TGFB2: variants seen among roughly 807,000 people sequenced by gnomAD.
TGFB2 encodes the protein transforming growth factor beta-2 proprotein.
TGFB2 carries 13 observed loss-of-function variants against 42.7 expected under a neutral mutation model. The observed-to-expected ratio is 0.30, with a 90% CI of 0.20 to 0.48. The LOEUF is 0.48. Ranked by LOEUF, TGFB2 falls within the 20% of genes least tolerant of loss-of-function variation. The pLI is 0.99. For synonymous variants in TGFB2, 193 were observed against 193.6 expected (o/e 1.00, Z 0.03); for missense variants, 390 against 517.5 (o/e 0.75, Z 2.39).
At chr1:218,434,276 G>A in intron 3 of TGFB2, 62 bp downstream of exon 3, 2 of 1,610,796 alleles carry the variant, frequency 1.2e-6, no homozygotes, top group East Asian at 2.2e-5. Flanking sequence ...ACTTTAAATT[G>A]ATTGCAGATT....
At chr1:218,366,343 G>C (rs1265564723) in intron 1 of TGFB2, among the ~76,000 whole-genome samples, 1 of 152,016 alleles carries the variant, frequency 6.6e-6, no homozygotes, top group African/African-American at 2.4e-5. Context: ...AGGTCTCTCT[G>C]TTGTCCAGGC....
At chr1:218,393,909 C>CTT (rs756984581) in intron 1 of TGFB2, among the ~76,000 whole-genome samples, 5 of 137,100 alleles carry the variant, frequency 3.6e-5, no homozygotes, top group Admixed American at 7.4e-5. Flanking sequence ...GCATCGGCCT[C>CTT]TTTTTTTTTT....
At chr1:218,367,988 C>A (rs564672988) in intron 1 of TGFB2, among the ~76,000 whole-genome samples, 1 of 151,828 alleles carries the variant, frequency 6.6e-6, no homozygotes, top group East Asian at 1.9e-4. Context: ...TTTTTAGTAG[C>A]GACAGGGTCT....
rs551534758 is a variant in TGFB2, at chr1:218,349,295, T to A, written c.346+2248T>A. Among the ~76,000 whole-genome samples, 5 of 152,302 alleles carry A rather than the reference T, an allele frequency of 3.3e-5. No individual in the cohort carries two copies. The East Asian group carries it at 5.8e-4, about 18-fold the overall frequency. On this transcript the variant is annotated intron_variant, in intron 1 of 6. Coordinates refer to ENST00000366930, the MANE Select transcript of TGFB2 (RefSeq NM_003238.6). Reference sequence around the variant, plus strand: ...TTTTATAGAAAATAGGTTAACTGATTTTCCAGCACTTTTTAGTTATACTGG... The same window carrying A: ...TTTTATAGAAAATAGGTTAACTGATATTCCAGCACTTTTTAGTTATACTGG...
intron 1 of TGFB2, among the ~76,000 whole-genome samples, chr1:218,385,656 C>T (rs1558238562): frequency 6.6e-6 from 1 of 152,208 alleles, no homozygotes; most frequent in African/African-American, 2.4e-5. Flanking sequence ...GTGAGGGGCT[C>T]ATGAGATGGA....
chr1:218,393,418 C>G (rs1658382527), intron 1 of TGFB2, among the ~76,000 whole-genome samples: 1 of 152,166 alleles, frequency 6.6e-6, no homozygotes, highest in Non-Finnish European at 1.5e-5. Context: ...AGGATGAGAT[C>G]CTAAATTTCC....
At chr1:218,437,600 C>T (rs867725038) in intron 6 of TGFB2, 104 bp downstream of exon 6, 2 of 1,259,130 alleles carry the variant, frequency 1.6e-6, no homozygotes, top group Non-Finnish European at 2.1e-6. Flanking sequence ...GTCTTACCAT[C>T]ACACATGTAT....
rs560349815 is a variant in TGFB2 at position 218,397,903 on chromosome 1, G to A, written c.347-7266G>A. Among the ~76,000 whole-genome samples the A allele has an allele frequency of 7.9e-5, 12 of 152,240 alleles. No individual in the cohort carries two copies. The South Asian group carries it at 1.5e-3, about 18-fold the overall frequency. The stretch of plus-strand genomic sequence containing the variant: ...AAACCTCCAGGCCACTACCAATTCC[G>A]TTCATACCCACACCTTCTGTGTTTC... On this transcript the variant is annotated intron_variant, in intron 1 of 6. Coordinates refer to ENST00000366930, the MANE Select transcript of TGFB2 (RefSeq NM_003238.6).
At chr1:218,380,173 G>T (rs1413842676) in intron 1 of TGFB2, among the ~76,000 whole-genome samples, 1 of 152,152 alleles carries the variant, frequency 6.6e-6, no homozygotes, top group African/African-American at 2.4e-5. Flanking sequence ...GCACTCACTC[G>T]CATTCATTGG....
chr1:218,431,187 A>G (rs1659795462), intron 2 of TGFB2, among the ~76,000 whole-genome samples: 1 of 152,230 alleles, frequency 6.6e-6, no homozygotes, highest in Non-Finnish European at 1.5e-5. Context: ...CTAGTGAAAA[A>G]GATCCAGAGG....
intron 2 of TGFB2, among the ~76,000 whole-genome samples, chr1:218,420,605 C>A (rs905293774): frequency 3.3e-5 from 5 of 151,752 alleles, no homozygotes; most frequent in Admixed American, 2.0e-4. Context: ...AGAGGAGAGA[C>A]TTTTCTGTGT....
intron 1 of TGFB2, among the ~76,000 whole-genome samples, chr1:218,392,459 G>A (rs1658347016): frequency 6.6e-6 from 1 of 152,210 alleles, no homozygotes; most frequent in African/African-American, 2.4e-5. Context: ...CACTTATGTG[G>A]TGTAGCTCTT....
At chr1:218,393,297 A>G (rs540635768) in intron 1 of TGFB2, among the ~76,000 whole-genome samples, 102 of 152,326 alleles carry the variant, frequency 6.7e-4, no homozygotes, top group African/African-American at 2.4e-3. Context: ...TGTGTGGTTT[A>G]AGTCCTATTT....
rs748018397 is a variant in TGFB2 at position 218,346,678 on chromosome 1, CT to C, written c.-16del. 6.0e-5 allele frequency: 93 copies of C among 1,560,302 alleles called. No homozygotes were observed. The African/African-American group carries it at 1.1e-3, about 18-fold the overall frequency. On this transcript the variant is annotated 5_prime_UTR_variant, in exon 1 of 7. Coordinates refer to ENST00000366930, the MANE Select transcript of TGFB2 (RefSeq NM_003238.6). This position sits in a 1 kb window ranked among gnomAD's most constrained non-coding sequence, Gnocchi z 4.9. ...TTTTTATTCTGACTTTTAAAAACAA[CT>C]TTTTTTTCCACTTTTTTAAAAAATG...
At chr1:218,417,120 C>A (rs576061335) in intron 2 of TGFB2, among the ~76,000 whole-genome samples, 1 of 152,158 alleles carries the variant, frequency 6.6e-6, no homozygotes, top group South Asian at 2.1e-4. Flanking sequence ...AACTGGGTAA[C>A]GAGCAGAGGT....
intron 5 of TGFB2, among the ~76,000 whole-genome samples, chr1:218,436,406 TGAA>T (rs763659599): frequency 6.6e-5 from 10 of 152,302 alleles, no homozygotes; most frequent in Middle Eastern, 3.4e-3. Context: ...TCTTTGGTGC[TGAA>T]GAAGAAAACA....
chr1:218,427,774 A>C (rs1455667436), intron 2 of TGFB2, among the ~76,000 whole-genome samples: 3 of 152,210 alleles, frequency 2.0e-5, no homozygotes, highest in Admixed American at 6.5e-5. Context: ...TGCTATTGTG[A>C]ATAGTGCCGC....
intron 1 of TGFB2, among the ~76,000 whole-genome samples, chr1:218,378,521 C>T (rs1233316271): frequency 6.6e-6 from 1 of 152,058 alleles, no homozygotes; most frequent in African/African-American, 2.4e-5. Flanking sequence ...ACCATGTTGG[C>T]CAGGCTAGTC....
intron 1 of TGFB2, among the ~76,000 whole-genome samples, chr1:218,367,072 A>C (rs1657409548): frequency 1.3e-5 from 2 of 152,212 alleles, no homozygotes; most frequent in South Asian, 4.1e-4. Context: ...GAAGTAAATT[A>C]ATCGTGTGTG....
Sources: allele counts gnomAD v4.1 joint callset (sites outside exome capture counted in the v4.1 genomes callset), GRCh38; gene constraint gnomAD v4.1.1; non-coding constraint Gnocchi (gnomAD v3.1); transcripts MANE v1.5; gene names NCBI Gene and HGNC (gene_info 2026-07-23, HGNC 2026-07-21).